The following GTF2H3 variants were observed in gnomAD, a reference collection of about 807,000 sequenced individuals.
The protein encoded by GTF2H3 is TFIIH basal transcription factor complex p34 subunit.
In GTF2H3, 42 loss-of-function variants were observed where a neutral mutation model predicts 51.1. That is an observed-to-expected ratio of 0.82 (90% CI 0.64 to 1.06). The LOEUF (loss-of-function observed/expected upper bound fraction) is 1.06, where lower values mean the gene tolerates loss of function less well. GTF2H3 is among the 50% of genes least tolerant of loss of function. The probability of loss-of-function intolerance (pLI) is 0.00; values close to 1 mark genes in which losing one functional copy is unlikely to be tolerated. For missense variants in GTF2H3, 326 were observed against 366.1 expected (o/e 0.89, Z 0.89); for synonymous variants, 123 against 123.8 (o/e 0.99, Z 0.04).
chr12:123,650,199 C>G (rs1460918577), intron 4 of GTF2H3: 1 of 152,270 alleles, frequency 6.6e-6, no homozygotes, highest in Non-Finnish European at 1.5e-5. Flanking sequence ...TCAATCTGAG[C>G]TCCTTGCCCT....
chr12:123,644,084 G>A (rs931733240), intron 2 of GTF2H3, among the ~76,000 whole-genome samples: 1 of 152,092 alleles, frequency 6.6e-6, no homozygotes, highest in Admixed American at 6.6e-5. Context: ...GCCTGCCTCG[G>A]CCTCCCAAAG....
chr12:123,652,835 T>C (rs1593809164), intron 7 of GTF2H3, 100 bp downstream of exon 7: 1 of 1,157,768 alleles, frequency 8.6e-7, no homozygotes, highest in East Asian at 3.1e-5. Context: ...CCCAGCACTT[T>C]GGGAGGCCGA....
chr12:123,653,496 G>A (rs1338317143), intron 7 of GTF2H3, among the ~76,000 whole-genome samples: 1 of 151,868 alleles, frequency 6.6e-6, no homozygotes, highest in Admixed American at 6.6e-5. Context: ...CCCGTCTCTA[G>A]TACAAATACA....
intron 7 of GTF2H3, 69 bp downstream of exon 7, chr12:123,652,804 G>A: frequency 5.1e-6 from 7 of 1,372,012 alleles, no homozygotes; most frequent in Non-Finnish European, 6.8e-6. Context: ...GAGACCAGGT[G>A]TGGTGGCTCA....
chr12:123,644,533 G>A (rs1314433145), intron 2 of GTF2H3, among the ~76,000 whole-genome samples: 1 of 152,022 alleles, frequency 6.6e-6, no homozygotes, highest in African/African-American at 2.4e-5. Flanking sequence ...GGGCGAGGTA[G>A]CACAGGCCTG....
Position 123,654,984 on chromosome 12 carries a change from G to C in GTF2H3, c.547G>C (p.Ala183Pro). The C allele has an allele frequency of 6.2e-7, 1 of 1,611,998 alleles. No individual in the cohort carries two copies. The highest frequency in any genetic ancestry group is 1.1e-5 in the South Asian group (1 of 91,036). The change falls in exon 8 of 13, where the codon GCA becomes CCA. Residue 183 changes from alanine to proline, a missense_variant. Ala to Pro is a conservative substitution (Grantham distance 27, BLOSUM62 -1). Transcript: ENST00000543341. ...QYMNFMNVIFAAQKQNILIDA... is the reference protein window; with the variant it reads ...QYMNFMNVIFPAQKQNILIDA... Reference sequence around the variant, plus strand: ...TATGAACTTCATGAATGTCATCTTTGCAGCACAGAAACAGGTGAACTGAGA... The same window carrying C: ...TATGAACTTCATGAATGTCATCTTTCCAGCACAGAAACAGGTGAACTGAGA...
chr12:123,654,834 T>C, intron 7 of GTF2H3, 90 bp from the exon 8 acceptor site: 2 of 826,286 alleles, frequency 2.4e-6, no homozygotes, highest in Non-Finnish European at 4.2e-6. Context: ...ACTGGAATAA[T>C]GTTGGTTGTG....
intron 7 of GTF2H3, among the ~76,000 whole-genome samples, chr12:123,653,892 T>G (rs1955550850): frequency 6.6e-6 from 1 of 152,186 alleles, no homozygotes; most frequent in East Asian, 1.9e-4. Flanking sequence ...ATTAGAGAGC[T>G]GTGCAGATGG....
At chr12:123,647,444 C>T (rs1955463594) in intron 3 of GTF2H3, among the ~76,000 whole-genome samples, 2 of 152,004 alleles carry the variant, frequency 1.3e-5, no homozygotes, top group Non-Finnish European at 2.9e-5. Context: ...TGCACTCCAG[C>T]CTGGGCGACA....
At chr12:123,654,101 G>A (rs907357383) in intron 7 of GTF2H3, among the ~76,000 whole-genome samples, 1 of 152,076 alleles carries the variant, frequency 6.6e-6, no homozygotes, top group Non-Finnish European at 1.5e-5. Context: ...GTGAGTGTGT[G>A]TATTTTGGAT....
At chr12:123,643,945 C>G (rs1203576930) in intron 2 of GTF2H3, among the ~76,000 whole-genome samples, 2 of 152,126 alleles carry the variant, frequency 1.3e-5, no homozygotes, top group Non-Finnish European at 2.9e-5. Context: ...GTCCTCCCAC[C>G]TCAGCATCCC....
At chr12:123,645,893 A>T (rs996461640) in intron 3 of GTF2H3, among the ~76,000 whole-genome samples, 2 of 152,192 alleles carry the variant, frequency 1.3e-5, no homozygotes, top group Non-Finnish European at 2.9e-5. Context: ...CCAGCGTGCA[A>T]GTTAGATGGG....
chr12:123,650,913 CTTAGTTCAATAAAGCACCCAATGATT>C, intron 4 of GTF2H3, 55 bp from the exon 5 acceptor site: 6 of 837,750 alleles, frequency 7.2e-6, no homozygotes, highest in Non-Finnish European at 1.2e-5. Flanking sequence ...TGAAAGCATA[CTTAGTTCAATAAAGCACCCAATGATT>C]TTAGTTCAAG....
intron 7 of GTF2H3, among the ~76,000 whole-genome samples, chr12:123,654,224 GTTTGT>G (rs1219546553): frequency 7.7e-6 from 1 of 129,528 alleles, no homozygotes; most frequent in Non-Finnish European, 1.6e-5. Context: ...TTGGGTTTGT[GTTTGT>G]TTTATGTGTG....
At chr12:123,659,663 A>T in intron 10 of GTF2H3, 79 bp downstream of exon 10, 1 of 1,506,986 alleles carries the variant, frequency 6.6e-7, no homozygotes, top group Non-Finnish European at 9.2e-7. Context: ...TGGAAGCAAG[A>T]TGGCTGGTGC....
chr12:123,654,440 G>A (rs533856299), intron 7 of GTF2H3, among the ~76,000 whole-genome samples: 17 of 151,334 alleles, frequency 1.1e-4, no homozygotes, highest in South Asian at 8.4e-4. Flanking sequence ...GTGTATGTCC[G>A]TGTGTGTATT....
At chr12:123,640,666 C>G (rs1483817099) in intron 2 of GTF2H3, among the ~76,000 whole-genome samples, 1 of 152,008 alleles carries the variant, frequency 6.6e-6, no homozygotes, top group African/African-American at 2.4e-5. Flanking sequence ...GACAGGTTAG[C>G]TGTTTTCCAC....
chr12:123,658,541 A>G (rs1380327098), intron 9 of GTF2H3, among the ~76,000 whole-genome samples: 1 of 152,178 alleles, frequency 6.6e-6, no homozygotes, highest in Non-Finnish European at 1.5e-5. Context: ...TATGTTGCTC[A>G]GGCTGGTCTT....
chr12:123,642,431 A>G (rs1410458671), intron 2 of GTF2H3, among the ~76,000 whole-genome samples: 8 of 151,952 alleles, frequency 5.3e-5, no homozygotes, highest in African/African-American at 1.7e-4. Context: ...AGCCTCCCAA[A>G]GTGTTGGGAT....
Sources: gnomAD v4.1 joint callset for allele counts (sites outside exome capture counted in the v4.1 genomes callset) on GRCh38, gnomAD v4.1.1 for gene constraint, MANE v1.5 for transcripts, NCBI Gene and HGNC (gene_info 2026-07-23, HGNC 2026-07-21) for gene names.